AADAT: variants seen among roughly 807,000 people sequenced by gnomAD.
AADAT encodes aminoadipate aminotransferase.
AADAT carries 25 observed loss-of-function variants against 56.2 expected under a neutral mutation model. That is an observed-to-expected ratio of 0.44 (90% CI 0.32 to 0.62). The LOEUF is 0.62. Ranked by LOEUF, AADAT falls within the 20% of genes least tolerant of loss-of-function variation. The pLI, the probability that AADAT is intolerant of heterozygous loss-of-function variation, is 0.04. For synonymous variants in AADAT, 173 were observed against 164.7 expected (o/e 1.05, Z -0.39); for missense variants, 387 against 510.5 (o/e 0.76, Z 2.33).
intron 4 of AADAT, among the ~76,000 whole-genome samples, chr4:170,076,948 CCA>C (rs1022311602): frequency 6.6e-6 from 1 of 152,144 alleles, no homozygotes; most frequent in African/African-American, 2.4e-5. Flanking sequence ...TGTCCCAGCA[CCA>C]CAGTTGAAGA....
At chr4:170,075,964 T>C (rs1732015073) in intron 4 of AADAT, among the ~76,000 whole-genome samples, 1 of 152,240 alleles carries the variant, frequency 6.6e-6, no homozygotes, top group Non-Finnish European at 1.5e-5. Flanking sequence ...TGTATGTATA[T>C]ACCACATTTT....
In AADAT at chr4:170,088,531, A is replaced by T; in HGVS notation, c.101T>A (p.Ile34Asn). ...ATTTGGTAAGCCACCAGCCAAGGAG[A>T]TCATCGATTTTGGTCCTCTGCTCAA... ...DILSRGPKSM[I>N]SLAGGLPNPN... Residue 34 changes from isoleucine to asparagine, a missense_variant, in exon 2 of 13, where the codon ATC becomes AAC. Ile to Asn is a moderately radical substitution (Grantham distance 149). Transcript: ENST00000337664. 1 of 1,613,180 alleles carries T rather than the reference A, an allele frequency of 6.2e-7. No homozygotes were observed. Among genetic ancestry groups the T allele is most frequent in the Non-Finnish European group, 8.5e-7 (1 of 1,179,204 alleles).
upstream of AADAT, chr4:170,090,497 C>G (rs1223606803): frequency 2.0e-5 from 3 of 152,286 alleles, no homozygotes; most frequent in South Asian, 6.2e-4. Context: ...ATCACTTTCT[C>G]GAAGATCTCA....
intron 4 of AADAT, among the ~76,000 whole-genome samples, chr4:170,075,567 C>A (rs541500520): frequency 6.6e-6 from 1 of 152,306 alleles, no homozygotes; most frequent in Admixed American, 6.5e-5. Flanking sequence ...CCTCAGCTGC[C>A]CAAAGTGCTG....
upstream of AADAT, among the ~76,000 whole-genome samples, chr4:170,091,934 T>G (rs748767283): frequency 2.0e-5 from 3 of 152,182 alleles, no homozygotes; most frequent in Non-Finnish European, 2.9e-5. Flanking sequence ...TGTATCTAGC[T>G]CAGGGTTTGT....
At chr4:170,063,382 CAA>C (rs1413148093) in intron 11 of AADAT, among the ~76,000 whole-genome samples, 8 of 152,316 alleles carry the variant, frequency 5.3e-5, no homozygotes, top group African/African-American at 1.9e-4. Flanking sequence ...AGAGTAAAAA[CAA>C]AGTCTATATC....
At chr4:170,063,234 G>C (rs965933090) in intron 11 of AADAT, among the ~76,000 whole-genome samples, 4 of 152,192 alleles carry the variant, frequency 2.6e-5, no homozygotes, top group Non-Finnish European at 5.9e-5. Flanking sequence ...AAAGAGAAGG[G>C]AGTGGTGGTA....
intron 2 of AADAT, among the ~76,000 whole-genome samples, chr4:170,087,781 T>G (rs1386305655): frequency 6.6e-6 from 1 of 151,934 alleles, no homozygotes; most frequent in African/African-American, 2.4e-5. Context: ...CTTTATCACT[T>G]GAAGAAGACC....
At chr4:170,087,832 G>GA (rs530561423) in intron 2 of AADAT, among the ~76,000 whole-genome samples, 99 of 151,784 alleles carry the variant, frequency 6.5e-4, no homozygotes, top group Middle Eastern at 3.4e-3. Context: ...TTGCCTTTAA[G>GA]AAATTAAAGA....
At position 170,060,978 on chromosome 4, in the gene AADAT, GA is replaced by G. The variant is rs201901211; in HGVS notation, c.1237-10del. 811 of 1,377,818 alleles carry G rather than the reference GA, an allele frequency of 5.9e-4. No homozygotes were observed. The highest frequency in any genetic ancestry group is 1.2e-3 in the Admixed American group (46 of 38,126). 85.3% of individuals were successfully genotyped at this position (1,377,818 alleles called of 1,614,324 possible). A position where few individuals can be genotyped will look rare whatever the true frequency, so the allele number is the denominator to read the frequency against. On this transcript the variant is annotated splice_polypyrimidine_tract_variant and intron_variant, in intron 12 of 12. Coordinates refer to ENST00000337664, the MANE Select transcript of AADAT (RefSeq NM_016228.4). ...GCTAATACCTGGAAGGCCTAAAACA[GA>G]AAAAAAAAATTAGAATTAATTAAAT...
intron 5 of AADAT, among the ~76,000 whole-genome samples, chr4:170,070,963 A>C (rs1731731053): frequency 6.6e-6 from 1 of 152,188 alleles, no homozygotes; most frequent in Admixed American, 6.5e-5. Context: ...CCCAGGCTGG[A>C]GTGCAGTGGC....
intron 5 of AADAT, 76 bp downstream of exon 5, chr4:170,073,060 G>A: frequency 7.4e-7 from 1 of 1,348,394 alleles, no homozygotes; most frequent in Non-Finnish European, 1.0e-6. Flanking sequence ...AGAAGAAAGG[G>A]AGCTTGCATA....
chr4:170,062,302 G>T (rs1053671207), intron 11 of AADAT, among the ~76,000 whole-genome samples: 2 of 152,122 alleles, frequency 1.3e-5, no homozygotes, highest in African/African-American at 4.8e-5. Flanking sequence ...GCTTCCTAAA[G>T]AAAGATAAAT....
chr4:170,066,394 C>T lies in AADAT; in HGVS notation c.1027+20G>A, dbSNP rs544424541. 1.1e-5 allele frequency: 18 copies of T among 1,606,300 alleles called. No individual in the cohort carries two copies. Among genetic ancestry groups the T allele is most frequent in the Middle Eastern group, 1.7e-4 (1 of 6,048 alleles). ...CAGATGCTACTGTTTATCATGAGGA[C>T]GAATATACGTTCCACTCACCAGTTA... On this transcript the variant is annotated intron_variant, in intron 10 of 12. Coordinates refer to ENST00000337664, the MANE Select transcript of AADAT (RefSeq NM_016228.4).
At chr4:170,061,215 T>C (rs957507028) in intron 12 of AADAT, among the ~76,000 whole-genome samples, 1 of 152,170 alleles carries the variant, frequency 6.6e-6, no homozygotes. Context: ...TTCAAGATCA[T>C]TTTCCATTTT....
chr4:170,066,651 G>T (rs1276909884), intron 9 of AADAT, among the ~76,000 whole-genome samples, 173 bp from the exon 10 acceptor site: 4 of 152,156 alleles, frequency 2.6e-5, no homozygotes, highest in Non-Finnish European at 5.9e-5. Context: ...ACTTTTAACT[G>T]CTGTGTTTTT....
intron 11 of AADAT, among the ~76,000 whole-genome samples, chr4:170,064,317 CACTT>C (rs1731340337): frequency 6.6e-6 from 1 of 152,170 alleles, no homozygotes; most frequent in Admixed American, 6.5e-5. Flanking sequence ...TATATTAACT[CACTT>C]AATCATCAGA....
intron 2 of AADAT, among the ~76,000 whole-genome samples, chr4:170,087,985 A>T (rs771731721): frequency 1.3e-5 from 2 of 150,290 alleles, no homozygotes; most frequent in Admixed American, 6.6e-5. Flanking sequence ...TTAAACTTTA[A>T]AAAGTTGAAG....
rs1731367262 is a variant in AADAT, at chr4:170,064,843, G to A, written c.1028-18C>T. Reference sequence around the variant, plus strand: ...TGCCAAACCTACAAACAAAAGAAGAGAATAAATGTCTTCCAAAGGAAGGCA... The same window carrying A: ...TGCCAAACCTACAAACAAAAGAAGAAAATAAATGTCTTCCAAAGGAAGGCA... On this transcript the variant is annotated intron_variant, in intron 10 of 12. Transcript: ENST00000337664. 1 of 1,595,746 alleles carries A rather than the reference G, an allele frequency of 6.3e-7. No homozygotes were observed.
Sources: allele counts gnomAD v4.1 joint callset (sites outside exome capture counted in the v4.1 genomes callset), GRCh38; gene constraint gnomAD v4.1.1; transcripts MANE v1.5; gene names NCBI Gene and HGNC (gene_info 2026-07-23, HGNC 2026-07-21).